CASD1: variants seen among roughly 807,000 people sequenced by gnomAD.
CASD1 encodes the protein CAS1 domain sialic acid O acetyltransferase 1.
CASD1 carries 41 observed loss-of-function variants against 100.0 expected under a neutral mutation model. The observed-to-expected ratio is 0.41, with a 90% CI of 0.32 to 0.53. The LOEUF (loss-of-function observed/expected upper bound fraction) is 0.53, where lower values mean the gene tolerates loss of function less well. CASD1 is among the 20% of genes least tolerant of loss of function. CASD1 has a pLI of 0.25. For missense variants in CASD1, 774 were observed against 948.7 expected (o/e 0.82, Z 2.42); for synonymous variants, 321 against 315.6 (o/e 1.02, Z -0.18).
At chr7:94,563,725 T>C in the CASD1 span, among the ~76,000 whole-genome samples, 1 of 151,926 alleles carries the variant, frequency 6.6e-6, no homozygotes, top group Admixed American at 6.6e-5. Flanking sequence ...ATTTGGTATA[T>C]GTCCAGAGCA....
chr7:94,559,302 G>GTGTGTGTGTGTGTGTA (rs1346951750), downstream of CASD1, among the ~76,000 whole-genome samples: 59 of 138,284 alleles, frequency 4.3e-4, no homozygotes, highest in African/African-American at 1.4e-3. Flanking sequence ...GTGTGTGTGT[G>GTGTGTGTGTGTGTGTA]TGTATGTGTG....
chr7:94,520,063 G>A (rs1474699641), intron 3 of CASD1, among the ~76,000 whole-genome samples: 1 of 152,112 alleles, frequency 6.6e-6, no homozygotes, highest in African/African-American at 2.4e-5. Context: ...TATCAAACGA[G>A]ATATCAGACA....
chr7:94,557,880 C>T (rs1361544789), downstream of CASD1, among the ~76,000 whole-genome samples: 2 of 151,912 alleles, frequency 1.3e-5, no homozygotes, highest in South Asian at 2.1e-4. Context: ...CCTATATATA[C>T]GGTAAATGTC....
At chr7:94,587,921 A>T in the CASD1 span, 1 of 1,450,714 alleles carries the variant, frequency 6.9e-7, no homozygotes, top group South Asian at 1.5e-5. Flanking sequence ...TAGTTTCCCT[A>T]CCACAATGCC....
the CASD1 span, among the ~76,000 whole-genome samples, chr7:94,565,569 A>G: frequency 1.3e-5 from 2 of 152,040 alleles, no homozygotes; most frequent in African/African-American, 4.8e-5. Flanking sequence ...AAAACCTTCA[A>G]ATGCCTCAAT....
At chr7:94,582,157 GC>G in the CASD1 span, among the ~76,000 whole-genome samples, 18 of 151,920 alleles carry the variant, frequency 1.2e-4, no homozygotes, top group Non-Finnish European at 7.4e-5. Flanking sequence ...TCACTCTGTC[GC>G]CCAGACTGAA....
intron 1 of CASD1, among the ~76,000 whole-genome samples, chr7:94,511,180 T>A (rs192147095): frequency 8.4e-4 from 128 of 152,360 alleles, no homozygotes; most frequent in Non-Finnish European, 1.3e-3. Flanking sequence ...TTTTTGGCTC[T>A]TAATACTATC....
At chr7:94,582,883 ACT>A in the CASD1 span, among the ~76,000 whole-genome samples, 1 of 152,090 alleles carries the variant, frequency 6.6e-6, no homozygotes, top group African/African-American at 2.4e-5. Context: ...TCCTTAGAAC[ACT>A]CTCTGACTTA....
rs778693082 is a variant in CASD1, at chr7:94,535,478, G to A, written c.798G>A (p.Met266Ile). The A allele has an allele frequency of 6.2e-7, 1 of 1,613,656 alleles. No homozygotes were observed. The highest frequency in any genetic ancestry group is 8.5e-7 in the Non-Finnish European group (1 of 1,179,772). The stretch of plus-strand genomic sequence containing the variant: ...AATTAATTGCTCAAGAAACCATCAT[G>A]GAATCTTTGGATGGCTTACATCTTC... Reference protein sequence around the residue: ...VSKLIAQETIMESLDGLHLPE... With the variant: ...VSKLIAQETIIESLDGLHLPE... Residue 266 changes from methionine to isoleucine, a missense_variant, in exon 8 of 18, where the codon ATG (methionine) becomes ATA (isoleucine). Transcript: ENST00000297273.
chr7:94,574,969 C>T, the CASD1 span, among the ~76,000 whole-genome samples: 2 of 152,066 alleles, frequency 1.3e-5, no homozygotes, highest in African/African-American at 2.4e-5. Flanking sequence ...GACTCCATCT[C>T]AAAACAAACA....
At chr7:94,522,622 T>C (rs1168717237) in intron 3 of CASD1, among the ~76,000 whole-genome samples, 4 of 151,894 alleles carry the variant, frequency 2.6e-5, no homozygotes, top group Non-Finnish European at 5.9e-5. Flanking sequence ...GGGAAATGTT[T>C]GTTTGAAGCA....
chr7:94,603,604 C>T, the CASD1 span: 1 of 688,654 alleles, frequency 1.5e-6, no homozygotes, highest in Non-Finnish European at 2.5e-6. Context: ...AACAATGATT[C>T]ATGTAGGGGC....
At chr7:94,593,656 A>G in the CASD1 span, among the ~76,000 whole-genome samples, 1 of 151,746 alleles carries the variant, frequency 6.6e-6, no homozygotes, top group Non-Finnish European at 1.5e-5. Flanking sequence ...TCTCCACACC[A>G]TTTTCCTCAG....
chr7:94,600,977 T>TA, the CASD1 span: 1 of 821,178 alleles, frequency 1.2e-6, no homozygotes, highest in South Asian at 1.5e-5. Context: ...CTTTTCCAAT[T>TA]ACTTTATCAC....
chr7:94,570,838 T>A, the CASD1 span, among the ~76,000 whole-genome samples: 7 of 152,160 alleles, frequency 4.6e-5, no homozygotes, highest in African/African-American at 1.2e-4. Context: ...AGTGGAGATA[T>A]AAAGCAAAAT....
At chr7:94,559,276 CTGTGTG>C (rs377655712), downstream of CASD1, among the ~76,000 whole-genome samples, 20 of 137,596 alleles carry the variant, frequency 1.5e-4, 1 homozygote, top group East Asian at 3.9e-3. Context: ...GTATATATGT[CTGTGTG>C]TGTGTGTGTG....
intron 3 of CASD1, among the ~76,000 whole-genome samples, chr7:94,523,006 C>A (rs548753992): frequency 2.6e-5 from 4 of 152,270 alleles, no homozygotes; most frequent in African/African-American, 9.6e-5. Context: ...CAAGTTCCAA[C>A]AATATCAGAG....
downstream of CASD1, among the ~76,000 whole-genome samples, chr7:94,557,524 G>A (rs1426388548): frequency 6.6e-6 from 1 of 151,984 alleles, no homozygotes; most frequent in Non-Finnish European, 1.5e-5. Context: ...TTTTAATTTA[G>A]CTTGTAAGTT....
At chr7:94,613,526 A>C in the CASD1 span, among the ~76,000 whole-genome samples, 1 of 152,148 alleles carries the variant, frequency 6.6e-6, no homozygotes, top group African/African-American at 2.4e-5. Context: ...TAGAGACTGG[A>C]GTGCACTAGA....
Sources: allele counts gnomAD v4.1 joint callset (sites outside exome capture counted in the v4.1 genomes callset), GRCh38; gene constraint gnomAD v4.1.1; transcripts MANE v1.5; gene names NCBI Gene and HGNC (gene_info 2026-07-23, HGNC 2026-07-21).